The following CDH22 variants were observed in gnomAD, a reference collection of about 807,000 sequenced individuals.
CDH22 encodes cadherin-22.
CDH22 carries 30 observed loss-of-function variants against 58.4 expected under a neutral mutation model. That is an observed-to-expected ratio of 0.51 (90% CI 0.38 to 0.70). CDH22 has a LOEUF of 0.70. CDH22 is among the 30% of genes least tolerant of loss of function. CDH22 has a pLI of 0.00. For missense variants in CDH22, 1,014 were observed against 1,233.9 expected (o/e 0.82, Z 2.67); for synonymous variants, 513 against 558.2 (o/e 0.92, Z 1.14).
At chr20:46,222,418 C>T (rs761048) in intron 4 of CDH22, among the ~76,000 whole-genome samples, 1 of 152,164 alleles carries the variant, frequency 6.6e-6, no homozygotes, top group Admixed American at 6.5e-5. Context: ...ACCAGGTCTA[C>T]TTCATTATCC....
chr20:46,227,473 C>CCCCGGG, intron 4 of CDH22, 35 bp downstream of exon 4: 1 of 1,515,882 alleles, frequency 6.6e-7, no homozygotes, highest in South Asian at 1.2e-5. Context: ...GGCCCCGCCC[C>CCCCGGG]ACGGCTCCGC....
chr20:46,210,831 G>A lies in CDH22; in HGVS notation c.1033-271C>T, dbSNP rs1162459987. On this transcript the variant is annotated intron_variant, in intron 6 of 11. Coordinates refer to ENST00000537909, the MANE Select transcript of CDH22 (RefSeq NM_021248.3). The surrounding 1 kb of genome is among the most constrained non-coding windows in gnomAD (Gnocchi z 4.5). ...GCACCCAAACTTCCTGCTTCCCAGC[G>A]CAGTGTTGGCGGCATATTTCATTAG... Among the ~76,000 whole-genome samples the A allele has an allele frequency of 1.3e-5, 2 of 152,232 alleles. No individual in the cohort carries two copies. The highest frequency in any genetic ancestry group is 2.4e-5 in the African/African-American group (1 of 41,460).
chr20:46,189,875 C>T (rs893315094), intron 8 of CDH22, among the ~76,000 whole-genome samples: 1 of 152,160 alleles, frequency 6.6e-6, no homozygotes. Context: ...GGCAGTGGGT[C>T]TCCAGCACAG....
At chr20:46,223,698 T>TTTCTTTC (rs2086146445) in intron 4 of CDH22, among the ~76,000 whole-genome samples, 3 of 72,966 alleles carry the variant, frequency 4.1e-5, no homozygotes, top group African/African-American at 1.7e-4. Context: ...TCTTTCTTTC[T>TTTCTTTC]TTCTTTCTTT....
chr20:46,185,159 AC>A (rs1433484864), intron 10 of CDH22, among the ~76,000 whole-genome samples: 59 of 146,544 alleles, frequency 4.0e-4, no homozygotes, highest in African/African-American at 1.4e-3. Flanking sequence ...ACACACACAC[AC>A]ACAAACAACA....
intron 3 of CDH22, among the ~76,000 whole-genome samples, chr20:46,232,711 G>A (rs1423702631): frequency 2.0e-5 from 3 of 152,124 alleles, no homozygotes; most frequent in Non-Finnish European, 4.4e-5. Context: ...GAGTCTCTGG[G>A]AACGCTCAGA....
At chr20:46,202,510 C>G (rs556542266) in intron 7 of CDH22, among the ~76,000 whole-genome samples, 1 of 152,000 alleles carries the variant, frequency 6.6e-6, no homozygotes, top group Non-Finnish European at 1.5e-5. Context: ...CCCGCCACCA[C>G]GCCCGGCTAA....
intron 8 of CDH22, among the ~76,000 whole-genome samples, chr20:46,194,378 G>A (rs2085884234): frequency 1.3e-5 from 2 of 152,184 alleles, no homozygotes; most frequent in South Asian, 2.1e-4. Context: ...CCTCATCCCT[G>A]TCCCTTTCTC....
intron 8 of CDH22, 43 bp downstream of exon 8, chr20:46,199,380 G>A (rs1386145772): frequency 1.3e-6 from 2 of 1,588,954 alleles, no homozygotes. Flanking sequence ...TTTGCTCCTG[G>A]GCCCCATATT....
chr20:46,204,093 T>C (rs1191678371), intron 7 of CDH22, among the ~76,000 whole-genome samples: 1 of 151,980 alleles, frequency 6.6e-6, no homozygotes, highest in Non-Finnish European at 1.5e-5. Flanking sequence ...AGTTTCCTTC[T>C]CTTAAAAATG....
intron 6 of CDH22, among the ~76,000 whole-genome samples, chr20:46,211,766 C>CG (rs966024267): frequency 1.3e-5 from 2 of 151,928 alleles, no homozygotes; most frequent in Admixed American, 1.3e-4. Flanking sequence ...TAAGGATGAA[C>CG]GGAGATCAAA....
chr20:46,307,490 G>A (rs1568688376), intron 1 of CDH22, among the ~76,000 whole-genome samples: 2 of 152,208 alleles, frequency 1.3e-5, no homozygotes, highest in Non-Finnish European at 2.9e-5. Context: ...CGGGGGCCCC[G>A]TCCTTCTTCC....
In CDH22 at chr20:46,295,081, C is replaced by T. The variant is rs115553550; in HGVS notation, c.-400+13174G>A. ...CACTGCCAGGAAGAGAACAGGCATG[C>T]GAGGAGCCTCTCACTGGCAGGTGAG... On this transcript the variant is annotated intron_variant, in intron 1 of 11. Coordinates refer to ENST00000537909, the MANE Select transcript of CDH22 (RefSeq NM_021248.3). Among the ~76,000 whole-genome samples the T allele has an allele frequency of 5.0e-3, 737 of 146,318 alleles. 6 individuals are homozygous for T. Among genetic ancestry groups the T allele is most frequent in the African/African-American group, 0.02 (702 of 35,914 alleles).
At chr20:46,273,335 G>C (rs2086501674) in intron 1 of CDH22, among the ~76,000 whole-genome samples, 1 of 152,084 alleles carries the variant, frequency 6.6e-6, no homozygotes, top group African/African-American at 2.4e-5. Flanking sequence ...GAGCTTACTT[G>C]TCAGCTCTGT....
intron 7 of CDH22, chr20:46,209,923 G>A: frequency 5.0e-6 from 1 of 199,818 alleles, no homozygotes; most frequent in Non-Finnish European, 1.0e-5. Context: ...GAGAGGGAAG[G>A]GGGTGCAGGG....
In CDH22 at chr20:46,175,006, T is replaced by C. The variant is rs774977426; in HGVS notation, c.1987A>G (p.Met663Val). ...TTGTATTTGATGACGTTGTCCCGCATGTCTTCATCCTCGTCCGAGCTCAGG... is the reference window on the plus strand; with the variant it reads ...TTGTATTTGATGACGTTGTCCCGCACGTCTTCATCCTCGTCCGAGCTCAGG... ...SHLSSDEDED[M>V]RDNVIKYNDE... Residue 663 changes from methionine (M) to valine (V), a missense_variant, in exon 12 of 12, where the codon ATG (methionine) becomes GTG (valine). By Grantham distance (21) the Met-to-Val change is conservative. Coordinates refer to ENST00000537909, the MANE Select transcript of CDH22 (RefSeq NM_021248.3). 5 of 1,609,498 alleles carry C rather than the reference T, an allele frequency of 3.1e-6. No homozygotes were observed. The South Asian group carries it at 4.4e-5, about 14-fold the overall frequency.
intron 7 of CDH22, among the ~76,000 whole-genome samples, chr20:46,207,502 A>G (rs778471523): frequency 4.6e-5 from 7 of 152,212 alleles, no homozygotes; most frequent in Non-Finnish European, 1.0e-4. Context: ...CCCAGGCCAG[A>G]GGCCAAGGGG....
intron 1 of CDH22, among the ~76,000 whole-genome samples, chr20:46,262,543 C>T (rs1031965060): frequency 6.6e-6 from 1 of 152,266 alleles, no homozygotes; most frequent in East Asian, 1.9e-4. Context: ...TCAGGCCTAG[C>T]GTTCATTCAT....
chr20:46,303,444 T>G (rs1423447495), intron 1 of CDH22, among the ~76,000 whole-genome samples: 1 of 152,254 alleles, frequency 6.6e-6, no homozygotes, highest in Non-Finnish European at 1.5e-5. Context: ...ACCACCAGAC[T>G]CCTGTCAGCT....
Sources: gnomAD v4.1 joint callset for allele counts (sites outside exome capture counted in the v4.1 genomes callset) on GRCh38, gnomAD v4.1.1 for gene constraint, Gnocchi (gnomAD v3.1) non-coding constraint, MANE v1.5 for transcripts, NCBI Gene and HGNC (gene_info 2026-07-23, HGNC 2026-07-21) for gene names.